The following ST6GALNAC3 variants were observed in gnomAD, a reference collection of about 807,000 sequenced individuals.
ST6GALNAC3 encodes alpha-N-acetylgalactosaminide alpha-2,6-sialyltransferase 3.
In ST6GALNAC3, 25 loss-of-function variants were observed where a neutral mutation model predicts 32.7. The observed-to-expected ratio is 0.76, with a 90% confidence interval of 0.56 to 1.07. The LOEUF (loss-of-function observed/expected upper bound fraction) is 1.07. Among genes scored for constraint, ST6GALNAC3 ranks in the 50% least tolerant of loss-of-function variants. The probability of loss-of-function intolerance (pLI) is 0.00; values close to 1 mark genes in which losing one functional copy is unlikely to be tolerated. For synonymous variants in ST6GALNAC3, 129 were observed against 133.1 expected, an observed-to-expected ratio of 0.97 and a Z score of 0.21; for missense variants, 355 against 382.4, an observed-to-expected ratio of 0.93 and a Z score of 0.60.
intron 1 of ST6GALNAC3, among the ~76,000 whole-genome samples, chr1:76,273,089 G>T (rs971263602): frequency 6.6e-6 from 1 of 152,068 alleles, no homozygotes; most frequent in Admixed American, 6.6e-5. Flanking sequence ...TTGGTATATA[G>T]AATAATTTGA....
chr1:76,433,364 G>A (rs150085959), intron 3 of ST6GALNAC3, among the ~76,000 whole-genome samples: 2 of 152,068 alleles, frequency 1.3e-5, no homozygotes, highest in Non-Finnish European at 2.9e-5. Context: ...GCTCTGTAAC[G>A]TGAGTGTGCA....
In ST6GALNAC3 at chr1:76,352,004, A is replaced by C. The variant is rs1481445890; in HGVS notation, c.213+38005A>C. Among the ~76,000 whole-genome samples, 4 of 152,308 alleles carry C rather than the reference A, an allele frequency of 2.6e-5. No homozygotes were observed. In the East Asian group the frequency reaches 7.7e-4, roughly 29 times the overall value. ...GCCATCCGAAGGGCCATAGTACCTA[A>C]GTAGATAACGAGTTTAACTGCAGTA... On this transcript the variant is annotated intron_variant, in intron 2 of 4. Transcript: ENST00000328299.
At chr1:76,550,183 A>G (rs957606351) in intron 3 of ST6GALNAC3, among the ~76,000 whole-genome samples, 5 of 152,144 alleles carry the variant, frequency 3.3e-5, no homozygotes, top group Non-Finnish European at 7.4e-5. Flanking sequence ...ATATCATACA[A>G]TTTATCAACC....
At chr1:76,562,052 G>A (rs2100434283) in intron 3 of ST6GALNAC3, among the ~76,000 whole-genome samples, 1 of 152,246 alleles carries the variant, frequency 6.6e-6, no homozygotes, top group East Asian at 1.9e-4. Context: ...GCACATCTAT[G>A]GAGATAGTAG....
chr1:76,208,053 A>ACCC (rs1654927289), intron 1 of ST6GALNAC3, among the ~76,000 whole-genome samples: 1 of 99,704 alleles, frequency 1.0e-5, no homozygotes. Flanking sequence ...CCCCCCCCCC[A>ACCC]AAAAATAGTT....
intron 1 of ST6GALNAC3, among the ~76,000 whole-genome samples, chr1:76,116,148 AGTGT>A (rs1557628284): frequency 6.6e-6 from 1 of 151,920 alleles, no homozygotes; most frequent in Non-Finnish European, 1.5e-5. Context: ...GTGGATAGAG[AGTGT>A]GTGTGACCTT....
At chr1:76,595,833 T>C (rs1300457811) in intron 3 of ST6GALNAC3, among the ~76,000 whole-genome samples, 1 of 152,088 alleles carries the variant, frequency 6.6e-6, no homozygotes, top group East Asian at 1.9e-4. Flanking sequence ...TCTTTTACCC[T>C]CCCCACCAAA....
At chr1:76,614,101 A>G (rs898921522) in intron 3 of ST6GALNAC3, among the ~76,000 whole-genome samples, 7 of 152,200 alleles carry the variant, frequency 4.6e-5, no homozygotes, top group African/African-American at 1.7e-4. Flanking sequence ...TTATTCAACT[A>G]ATTTGGACAA....
chr1:76,412,581 A>G (rs56302631), intron 3 of ST6GALNAC3, among the ~76,000 whole-genome samples, 164 bp downstream of exon 3: 17,190 of 152,098 alleles, frequency 0.11, 1,276 homozygotes, highest in South Asian at 0.34. Flanking sequence ...GGTCTCATTT[A>G]TTCCACCTAT....
intron 1 of ST6GALNAC3, among the ~76,000 whole-genome samples, chr1:76,078,393 G>T (rs959707378): frequency 6.6e-6 from 1 of 152,154 alleles, no homozygotes; most frequent in African/African-American, 2.4e-5. Context: ...CATGCTGAGG[G>T]CCCATTCTGC....
At chr1:76,409,581 A>G (rs1654072460) in intron 2 of ST6GALNAC3, among the ~76,000 whole-genome samples, 1 of 152,146 alleles carries the variant, frequency 6.6e-6, no homozygotes, top group Non-Finnish European at 1.5e-5. Flanking sequence ...CAGTAGGCAA[A>G]TCGGTACATA....
chr1:76,102,898 T>C (rs1481683784), intron 1 of ST6GALNAC3, among the ~76,000 whole-genome samples: 1 of 152,162 alleles, frequency 6.6e-6, no homozygotes, highest in Admixed American at 6.5e-5. Context: ...GGTCTGTTGG[T>C]AACAAATTCT....
At chr1:76,164,525 A>C (rs1307577956) in intron 1 of ST6GALNAC3, among the ~76,000 whole-genome samples, 3 of 152,216 alleles carry the variant, frequency 2.0e-5, no homozygotes, top group African/African-American at 7.2e-5. Context: ...GCAGACCTTT[A>C]AGGGCATGTA....
At chr1:76,135,304 T>G (rs763708724) in intron 1 of ST6GALNAC3, among the ~76,000 whole-genome samples, 1 of 152,254 alleles carries the variant, frequency 6.6e-6, no homozygotes, top group Non-Finnish European at 1.5e-5. Flanking sequence ...GTGTTTTGCA[T>G]TTGTGTTAAT....
intron 3 of ST6GALNAC3, among the ~76,000 whole-genome samples, chr1:76,537,150 A>C (rs1663662610): frequency 6.6e-6 from 1 of 152,252 alleles, no homozygotes; most frequent in Non-Finnish European, 1.5e-5. Context: ...CTCAGACCAC[A>C]GTGCAATCAA....
chr1:76,401,248 C>G (rs1205066642), intron 2 of ST6GALNAC3, among the ~76,000 whole-genome samples: 1 of 151,896 alleles, frequency 6.6e-6, no homozygotes, highest in Non-Finnish European at 1.5e-5. Flanking sequence ...GTACTTGCTT[C>G]TATCTTCTCT....
At chr1:76,199,374 A>G (rs561193996) in intron 1 of ST6GALNAC3, among the ~76,000 whole-genome samples, 49 of 152,336 alleles carry the variant, frequency 3.2e-4, no homozygotes, top group Non-Finnish European at 5.4e-4. Flanking sequence ...TGTCACTTCC[A>G]TAAGGAAAAT....
chr1:76,305,858 A>G (rs1661017320), intron 1 of ST6GALNAC3: 4 of 515,010 alleles, frequency 7.8e-6, no homozygotes, highest in Non-Finnish European at 1.2e-5. Context: ...GTGACTGCCC[A>G]AAGTCATAGA....
intron 2 of ST6GALNAC3, among the ~76,000 whole-genome samples, chr1:76,383,441 AT>A (rs34140871): frequency 0.011 from 1,456 of 134,304 alleles, 22 homozygotes; most frequent in African/African-American, 0.037. Context: ...TGGCTAATTA[AT>A]TTTTTTTTTT....
Sources: gnomAD v4.1 joint callset for allele counts (sites outside exome capture counted in the v4.1 genomes callset) on GRCh38, gnomAD v4.1.1 for gene constraint, MANE v1.5 for transcripts, NCBI Gene and HGNC (gene_info 2026-07-23, HGNC 2026-07-21) for gene names.